Variants in IFNLR1 observed in about 807,000 individuals in gnomAD.
The protein encoded by IFNLR1 is CRF2-12.
A neutral mutation model predicts 52.5 loss-of-function variants in IFNLR1; 28 were observed. The observed-to-expected ratio is 0.53, with a 90% CI of 0.40 to 0.73. The LOEUF (loss-of-function observed/expected upper bound fraction) is 0.73. IFNLR1 is among the 30% of genes least tolerant of loss of function. IFNLR1 has a pLI of 0.00. For synonymous variants in IFNLR1, 276 were observed against 274.9 expected, an observed-to-expected ratio of 1.00 and a Z score of -0.04; for missense variants, 623 against 659.1, an observed-to-expected ratio of 0.95 and a Z score of 0.60.
rs1377540128 is a variant in IFNLR1, at chr1:24,157,008, G to A, written c.*122C>T. ...CAAACAGCCGCTAGGTGGACTTCCCGGAAGTGCAATGCCCCTCCGCCGCCC... is the reference window on the plus strand; with the variant it reads ...CAAACAGCCGCTAGGTGGACTTCCCAGAAGTGCAATGCCCCTCCGCCGCCC... On this transcript the variant is annotated 3_prime_UTR_variant, in exon 7 of 7. Transcript: ENST00000327535. This position sits in a 1 kb window ranked among gnomAD's most constrained non-coding sequence, Gnocchi z 5.1. 2.5e-6 allele frequency: 3 copies of A among 1,176,800 alleles called. No individual in the cohort carries two copies. Among genetic ancestry groups the A allele is most frequent in the Non-Finnish European group, 2.4e-6 (2 of 833,134 alleles). 72.9% of individuals were successfully genotyped at this position (1,176,800 alleles called of 1,614,324 possible).
At chr1:24,171,950 C>T (rs1644583915) in intron 2 of IFNLR1, among the ~76,000 whole-genome samples, 1 of 152,090 alleles carries the variant, frequency 6.6e-6, no homozygotes, top group Non-Finnish European at 1.5e-5. Flanking sequence ...GGATGAGCCA[C>T]CACTCCTGGC....
At chr1:24,183,883 C>T (rs1161260101) in intron 1 of IFNLR1, among the ~76,000 whole-genome samples, 1 of 152,176 alleles carries the variant, frequency 6.6e-6, no homozygotes, top group Non-Finnish European at 1.5e-5. Context: ...GCATGTGCCA[C>T]CACACCTGGC....
At chr1:24,166,883 G>A (rs1644526105) in intron 3 of IFNLR1, among the ~76,000 whole-genome samples, 1 of 152,070 alleles carries the variant, frequency 6.6e-6, no homozygotes. Context: ...GGCCTGTGAT[G>A]GTTAAGTTTA....
rs1557643999 is a variant in IFNLR1, at chr1:24,162,790, TTCTTTC to T, written c.368-1112_368-1107del. On this transcript the variant is annotated intron_variant, in intron 3 of 6. Transcript: ENST00000327535. ...TTTCTTTCTTTCTTTTTCTTTCTTT[TTCTTTC>T]TTTCTTTTTTCTTTCTTTTTTTCTT... Among the ~76,000 whole-genome samples, 546 of 87,350 alleles carry T rather than the reference TTCTTTC, an allele frequency of 6.3e-3. 15 individuals are homozygous for T. The highest frequency in any genetic ancestry group is 7.8e-3 in the Non-Finnish European group (328 of 42,292). The allele number at this position is 87,350 out of a possible 152,430, so 57.3% of individuals were successfully genotyped here. A position where few individuals can be genotyped will look rare whatever the true frequency, so the allele number is the denominator to read the frequency against.
chr1:24,155,145 A>G lies in IFNLR1; in HGVS notation c.*1985T>C, dbSNP rs1025064862. 2.0e-5 allele frequency: 3 copies of G among 152,266 alleles called. No homozygotes were observed. The highest frequency in any genetic ancestry group is 4.8e-5 in the African/African-American group (2 of 41,422). The allele number at this position is 152,266 out of a possible 1,614,324, so 9.4% of individuals were successfully genotyped here. A position where few individuals can be genotyped will look rare whatever the true frequency, so the allele number is the denominator to read the frequency against. On this transcript the variant is annotated 3_prime_UTR_variant, in exon 7 of 7. Transcript: ENST00000327535. ...GTTTGTTCTTCCTCTCCTGGGCTCAATCATCTGGACAAGCCTCACTGCAGG... is the reference window on the plus strand; with the variant it reads ...GTTTGTTCTTCCTCTCCTGGGCTCAGTCATCTGGACAAGCCTCACTGCAGG...
rs2148583660 is a variant in IFNLR1 at position 24,157,042 on chromosome 1, T to G, written c.*88A>C. The G allele has an allele frequency of 6.9e-7, 1 of 1,440,296 alleles. No individual in the cohort carries two copies. The allele number at this position is 1,440,296 out of a possible 1,614,324, so 89.2% of individuals were successfully genotyped here. A position where few individuals can be genotyped will look rare whatever the true frequency, so the allele number is the denominator to read the frequency against. Reference sequence around the variant, plus strand: ...ATGCCCCTCCGCCGCCCAGGGGAGGTACGGAGGCTCTTGAGTTTCTTGGGA... The same window carrying G: ...ATGCCCCTCCGCCGCCCAGGGGAGGGACGGAGGCTCTTGAGTTTCTTGGGA... On this transcript the variant is annotated 3_prime_UTR_variant, in exon 7 of 7. Transcript: ENST00000327535. This position sits in a 1 kb window ranked among gnomAD's most constrained non-coding sequence, Gnocchi z 5.1.
chr1:24,180,683 CCCACCCCCTCAGTCTTCCCAT>C, intron 2 of IFNLR1, 27 bp downstream of exon 2: 1 of 1,186,222 alleles, frequency 8.4e-7, no homozygotes, highest in Non-Finnish European at 1.2e-6. Flanking sequence ...CCAGCCCCCA[CCCACCCCCTCAGTCTTCCCAT>C]CCACCAGCCG....
At chr1:24,161,804 T>G (rs936826686) in intron 3 of IFNLR1, 120 bp from the exon 4 acceptor site, 4 of 951,950 alleles carry the variant, frequency 4.2e-6, no homozygotes, top group Non-Finnish European at 6.1e-6. Flanking sequence ...ACACTTCTTG[T>G]GCACCTAGCA....
intron 4 of IFNLR1, 106 bp downstream of exon 4, chr1:24,161,436 C>A (rs1644441640): frequency 7.6e-7 from 1 of 1,319,454 alleles, no homozygotes; most frequent in East Asian, 2.5e-5. Context: ...ACAGGGAAGA[C>A]TTCCTGGAGG....
intron 4 of IFNLR1, among the ~76,000 whole-genome samples, chr1:24,160,456 C>T (rs1216748329): frequency 1.3e-5 from 2 of 152,180 alleles, no homozygotes; most frequent in Non-Finnish European, 2.9e-5. Flanking sequence ...TATTAAAATT[C>T]GATTTACCTG....
At chr1:24,167,590 G>A (rs1200933970) in intron 3 of IFNLR1, among the ~76,000 whole-genome samples, 5 of 152,044 alleles carry the variant, frequency 3.3e-5, no homozygotes, top group African/African-American at 4.8e-5. Context: ...TCACCATGTT[G>A]GCCAGGCTGG....
intron 3 of IFNLR1, among the ~76,000 whole-genome samples, chr1:24,164,538 A>G (rs979073324): frequency 6.6e-6 from 1 of 152,152 alleles, no homozygotes. Context: ...TTTTTCAGAT[A>G]AGCCCTTCTC....
intron 2 of IFNLR1, among the ~76,000 whole-genome samples, chr1:24,179,848 G>C (rs150777407): frequency 5.1e-4 from 78 of 152,220 alleles, no homozygotes; most frequent in African/African-American, 1.8e-3. Flanking sequence ...GAATCCTCCC[G>C]AGCTTCTGCT....
chr1:24,165,081 T>C (rs776133616), intron 3 of IFNLR1, among the ~76,000 whole-genome samples: 10 of 152,162 alleles, frequency 6.6e-5, no homozygotes, highest in Non-Finnish European at 1.3e-4. Context: ...TTAATTTTAT[T>C]GTTTTTTGCA....
In IFNLR1 at chr1:24,169,494, T is replaced by A. The variant is rs924465394; in HGVS notation, c.290A>T (p.Lys97Met). The A allele has an allele frequency of 3.2e-5, 51 of 1,614,072 alleles. No homozygotes were observed. Among genetic ancestry groups the A allele is most frequent in the Non-Finnish European group, 4.1e-5 (48 of 1,180,038 alleles). The change falls in exon 3 of 7, where the codon AAG becomes ATG. Residue 97 changes from lysine to methionine, a missense_variant. By Grantham distance (95) the Lys-to-Met change is moderately conservative. Coordinates refer to ENST00000327535, the MANE Select transcript of IFNLR1 (RefSeq NM_170743.4). ...LKKQDLYNKF[K>M]GRVRTVSPSS... ...GGGAGAAACCGTCCGCACGCGTCCC[T>A]TGAACTTGTTGTACAGGTCCTGTTT...
At chr1:24,159,438 G>A (rs1472570589) in intron 5 of IFNLR1, 36 bp downstream of exon 5, 2 of 1,598,896 alleles carry the variant, frequency 1.3e-6, no homozygotes, top group Admixed American at 3.3e-5. Flanking sequence ...AAGGCCCAGA[G>A]GGAAAGTTTC....
rs368525220 is a variant in IFNLR1, at chr1:24,159,896, CACCAT to C, written c.511-268_511-264del. Among the ~76,000 whole-genome samples the C allele has an allele frequency of 3.2e-3, 491 of 152,106 alleles. 1 individual carries two copies. Among genetic ancestry groups the C allele is most frequent in the African/African-American group, 0.011 (477 of 41,484 alleles). Reference sequence around the variant, plus strand: ...GTAACTAGGGACTACAGATCCACACCACCATACCTGGGTAATTTTTTAAAATTATT... The same window carrying C: ...GTAACTAGGGACTACAGATCCACACCACCTGGGTAATTTTTTAAAATTATT... On this transcript the variant is annotated intron_variant, in intron 4 of 6. Coordinates refer to ENST00000327535, the MANE Select transcript of IFNLR1 (RefSeq NM_170743.4).
chr1:24,162,518 C>T (rs1226520509), intron 3 of IFNLR1, among the ~76,000 whole-genome samples: 2 of 152,178 alleles, frequency 1.3e-5, no homozygotes, highest in Non-Finnish European at 2.9e-5. Context: ...TACAGAATAT[C>T]ACAGGCTGGG....
intron 3 of IFNLR1, among the ~76,000 whole-genome samples, chr1:24,166,026 A>C (rs1644515826): frequency 6.6e-6 from 1 of 152,204 alleles, no homozygotes; most frequent in South Asian, 2.1e-4. Flanking sequence ...GAGGAGGCAA[A>C]AAATTAATGA....
Sources: allele counts gnomAD v4.1 joint callset (sites outside exome capture counted in the v4.1 genomes callset), GRCh38; gene constraint gnomAD v4.1.1; non-coding constraint Gnocchi (gnomAD v3.1); transcripts MANE v1.5; gene names NCBI Gene and HGNC (gene_info 2026-07-23, HGNC 2026-07-21).